ELMO3: variants seen among roughly 807,000 people sequenced by gnomAD.
ELMO3 encodes the protein engulfment and cell motility 3.
Under a neutral mutation model 89.0 loss-of-function variants are expected in ELMO3, and 81 were observed. The observed-to-expected ratio is 0.91, with a 90% CI of 0.76 to 1.09. ELMO3 has a LOEUF of 1.09. Ranked by LOEUF, ELMO3 falls within the 50% of genes least tolerant of loss-of-function variation. The pLI is 0.00. For synonymous variants in ELMO3, 406 were observed against 400.6 expected (o/e 1.01, Z -0.16); for missense variants, 959 against 972.8 (o/e 0.99, Z 0.19).
chr16:67,199,475 A>AT, intron 1 of ELMO3, 71 bp downstream of exon 1: 2 of 1,328,810 alleles, frequency 1.5e-6, no homozygotes, highest in South Asian at 2.4e-5. Flanking sequence ...CCCTCGGGGC[A>AT]GCCCGCCCCA....
chr16:67,199,403 A>C lies in ELMO3; in HGVS notation c.77A>C (p.Gln26Pro). The change falls in exon 1 of 20, where the codon CAG becomes CCG. Residue 26 changes from glutamine (Q) to proline (P), a missense_variant and splice_region_variant. By Grantham distance (76) the Gln-to-Pro change is moderately conservative. Coordinates refer to ENST00000393997, the MANE Select transcript of ELMO3 (RefSeq NM_024712.5). ...DAIPQLIQLD[Q>P]AKPLAAVLKE... The stretch of plus-strand genomic sequence containing the variant: ...ATCCCGCAGCTCATCCAGCTGGACC[A>C]GGTCACCCGGCTGGTCCCGCCTCCA... The C allele has an allele frequency of 6.2e-7, 1 of 1,605,876 alleles. No homozygotes were observed. Among genetic ancestry groups the C allele is most frequent in the African/African-American group, 1.3e-5 (1 of 74,986 alleles).
Position 67,202,952 on chromosome 16 carries a change from C to T in ELMO3, c.1623C>T (p.Leu541=), listed in dbSNP as rs1269297483. Residue 541 remains leucine, a synonymous_variant, in exon 16 of 20, where the codon CTC becomes CTT. Transcript: ENST00000393997. ...GCCTGATCCGCCAGCAGCGCTTGCT[C>T]CGCCTCTGTGAGGGGACGCTCTTCC... is the stretch of plus-strand genomic sequence containing the variant. ...LMGLIRQQRL[L]RLCEGTLFRK... 3 of 1,609,526 alleles carry T rather than the reference C, an allele frequency of 1.9e-6. No homozygotes were observed. The highest frequency in any genetic ancestry group is 2.7e-5 in the African/African-American group (2 of 74,808).
chr16:67,202,802 G>C lies in ELMO3; in HGVS notation c.1562+12G>C, dbSNP rs762857837. ...GCTCCCCCTATACTGTGAGTCTGGG[G>C]GGATGGATCCTCAGTCCTAGCCCTA... is the stretch of plus-strand genomic sequence containing the variant. On this transcript the variant is annotated intron_variant, in intron 15 of 19. Transcript: ENST00000393997. The C allele has an allele frequency of 5.0e-6, 8 of 1,612,662 alleles. No individual in the cohort carries two copies. The highest frequency in any genetic ancestry group is 2.7e-5 in the African/African-American group (2 of 74,904).
chr16:67,200,777 C>A lies in ELMO3; in HGVS notation c.634C>A (p.Pro212Thr), dbSNP rs774566864. The change falls in exon 7 of 20, where the codon CCC (proline) becomes ACC (threonine). Residue 212 changes from proline to threonine, a missense_variant. Physicochemically the swap from Pro to Thr is conservative, Grantham distance 38 (BLOSUM62 -1). Coordinates refer to ENST00000393997, the MANE Select transcript of ELMO3 (RefSeq NM_024712.5). Reference protein sequence around the residue: ...ALGQLVKSEVPLDRLLVHLQV... With the variant: ...ALGQLVKSEVTLDRLLVHLQV... The stretch of plus-strand genomic sequence containing the variant: ...GGGCCAGCTGGTCAAGAGCGAGGTG[C>A]CCCTGGATAGGCTGCTGGTGCACCT... The A allele has an allele frequency of 1.9e-6, 3 of 1,613,420 alleles. No homozygotes were observed. The highest frequency in any genetic ancestry group is 2.2e-5 in the East Asian group (1 of 44,836).
In ELMO3 at chr16:67,202,200, G is replaced by A. The variant is rs564154553; in HGVS notation, c.1177G>A (p.Glu393Lys). 26 of 1,603,668 alleles carry A rather than the reference G, an allele frequency of 1.6e-5. No homozygotes were observed. Among genetic ancestry groups the A allele is most frequent in the South Asian group, 6.6e-5 (6 of 90,348 alleles). ...GTTTGTGTTGGAGAACAGCAGCCGC[G>A]AGGACAAGCACGAGTGCCCCTTTGC... ...SRFVLENSSR[E>K]DKHECPFARG... Residue 393 changes from glutamate to lysine, a missense_variant, in exon 13 of 20, where the codon GAG (glutamate) becomes AAG (lysine). Coordinates refer to ENST00000393997, the MANE Select transcript of ELMO3 (RefSeq NM_024712.5).
At position 67,203,308 on chromosome 16, in the gene ELMO3, CCCAG is replaced by C. The variant is rs1364753678; in HGVS notation, c.1781-16_1781-13del. 35 of 1,592,264 alleles carry C rather than the reference CCCAG, an allele frequency of 2.2e-5. 1 individual carries two copies. Among genetic ancestry groups the C allele is most frequent in the Admixed American group, 3.5e-5 (2 of 57,510 alleles). ...GGGCTGCCAGGGCTGCAGTGCTCAG[CCCAG>C]CCTTCTTCCTGCAGTCCCTGTGGCC... On this transcript the variant is annotated splice_polypyrimidine_tract_variant and intron_variant, in intron 17 of 19. Coordinates refer to ENST00000393997, the MANE Select transcript of ELMO3 (RefSeq NM_024712.5). The surrounding 1 kb of genome is among the most constrained non-coding windows in gnomAD (Gnocchi z 4.6).
In ELMO3 at chr16:67,201,734, G is replaced by A; in HGVS notation, c.919-8G>A. The A allele has an allele frequency of 6.2e-7, 1 of 1,609,248 alleles. No individual in the cohort carries two copies. Among genetic ancestry groups the A allele is most frequent in the South Asian group, 1.1e-5 (1 of 91,086 alleles). On this transcript the variant is annotated splice_region_variant and splice_polypyrimidine_tract_variant and intron_variant, in intron 10 of 19. Transcript: ENST00000393997. Reference sequence around the variant, plus strand: ...ATCCCCTCCCCCGCCACCCAACACTGACCCCAGGAGCAGCGGGAGCAGCTG... The same window carrying A: ...ATCCCCTCCCCCGCCACCCAACACTAACCCCAGGAGCAGCGGGAGCAGCTG...
intron 8 of ELMO3, 79 bp downstream of exon 8, chr16:67,201,047 C>T: frequency 6.9e-7 from 1 of 1,454,484 alleles, no homozygotes; most frequent in African/African-American, 1.5e-5. Flanking sequence ...CTCTAAGCCC[C>T]CCTTTTTTTT....
At position 67,203,525 on chromosome 16, in the gene ELMO3, G is replaced by A. The variant is rs937262446; in HGVS notation, c.1892G>A (p.Ser631Asn). The change falls in exon 19 of 20, where the codon AGC becomes AAC. Residue 631 changes from serine to asparagine, a missense_variant. Physicochemically the swap from Ser to Asn is conservative, Grantham distance 46 (BLOSUM62 1). Coordinates refer to ENST00000393997, the MANE Select transcript of ELMO3 (RefSeq NM_024712.5). This position sits in a 1 kb window ranked among gnomAD's most constrained non-coding sequence, Gnocchi z 4.6. Reference protein sequence around the residue: ...KDLYELAFSISYDRGEEEAYL... With the variant: ...KDLYELAFSINYDRGEEEAYL... The stretch of plus-strand genomic sequence containing the variant: ...CTCTATGAGTTGGCCTTCTCAATCA[G>A]CTATGACCGTGGGGAGGAGGAAGCG... 6 of 1,613,344 alleles carry A rather than the reference G, an allele frequency of 3.7e-6. No individual in the cohort carries two copies. The East Asian group carries it at 1.3e-4, about 36-fold the overall frequency.
At chr16:67,201,006 G>C in intron 8 of ELMO3, 38 bp downstream of exon 8, 1 of 1,565,606 alleles carries the variant, frequency 6.4e-7, no homozygotes, top group Non-Finnish European at 8.6e-7. Flanking sequence ...GGCAGCACCC[G>C]GTGGGCGCTG....
Position 67,201,432 on chromosome 16 carries a change from T to C in ELMO3, c.792T>C (p.Tyr264=), listed in dbSNP as rs1272887576. 1.2e-6 allele frequency: 2 copies of C among 1,613,984 alleles called. No individual in the cohort carries two copies. The highest frequency in any genetic ancestry group is 1.7e-5 in the Admixed American group (1 of 60,020). Reference sequence around the variant, plus strand: ...AGAGGAACCTTCGCCAGTTCATCTATAAGGTAGGAAGTGGTGGGCCAGGGG... The same window carrying C: ...AGAGGAACCTTCGCCAGTTCATCTACAAGGTAGGAAGTGGTGGGCCAGGGG... The part of the protein sequence containing the change: ...LWQRNLRQFI[Y]KNIIHSAAPM... The change falls in exon 9 of 20, where the codon TAT becomes TAC. Residue 264 remains tyrosine, a synonymous_variant. Transcript: ENST00000393997.
At position 67,202,388 on chromosome 16, in the gene ELMO3, C is replaced by T; in HGVS notation, c.1262-9C>T. 2 of 1,613,828 alleles carry T rather than the reference C, an allele frequency of 1.2e-6. No homozygotes were observed. The highest frequency in any genetic ancestry group is 2.2e-5 in the South Asian group (2 of 91,078). ...TTCTCCCTGAGCCCCTCCTGCCCCC[C>T]CACTCCAGGCTCTGAGACAGCCCAG... is the stretch of plus-strand genomic sequence containing the variant. On this transcript the variant is annotated splice_polypyrimidine_tract_variant and intron_variant, in intron 13 of 19. Coordinates refer to ENST00000393997, the MANE Select transcript of ELMO3 (RefSeq NM_024712.5).
Position 67,200,346 on chromosome 16 carries a change from T to C in ELMO3, c.398T>C (p.Ile133Thr), listed in dbSNP as rs2033070695. Reference sequence around the variant, plus strand: ...GGGCTCCAGATACTAGGCACCATCATTGAAGATGGGGACGAGTGAGCACAG... The same window carrying C: ...GGGCTCCAGATACTAGGCACCATCACTGAAGATGGGGACGAGTGAGCACAG... ...RNGLQILGTI[I>T]EDGDDLGEVL... The change falls in exon 5 of 20, where the codon ATT (isoleucine) becomes ACT (threonine). Residue 133 changes from isoleucine (I) to threonine (T), a missense_variant. By Grantham distance (89) the Ile-to-Thr change is moderately conservative. Transcript: ENST00000393997. 5.6e-6 allele frequency: 9 copies of C among 1,613,854 alleles called. No individual in the cohort carries two copies. The highest frequency in any genetic ancestry group is 7.6e-6 in the Non-Finnish European group (9 of 1,180,004).
At position 67,202,414 on chromosome 16, in the gene ELMO3, G is replaced by C; in HGVS notation, c.1279G>C (p.Asp427His). ...VGEPCSETAQ[D>H]FSPMFFGQDQ... ...CACTCCAGGCTCTGAGACAGCCCAG[G>C]ACTTCTCACCCATGTTCTTCGGCCA... Residue 427 changes from aspartate to histidine, a missense_variant, in exon 14 of 20, where the codon GAC (aspartate) becomes CAC (histidine). Coordinates refer to ENST00000393997, the MANE Select transcript of ELMO3 (RefSeq NM_024712.5). 6.2e-7 allele frequency: 1 copy of C among 1,613,888 alleles called. No individual in the cohort carries two copies. The highest frequency in any genetic ancestry group is 1.3e-5 in the African/African-American group (1 of 75,054).
chr16:67,199,397 T>G lies in ELMO3; in HGVS notation c.71T>G (p.Leu24Arg). ...GACGCCATCCCGCAGCTCATCCAGC[T>G]GGACCAGGTCACCCGGCTGGTCCCG... ...MRDAIPQLIQ[L>R]DQAKPLAAVL... is the part of the protein sequence containing the mutation. The change falls in exon 1 of 20, where the codon CTG becomes CGG. Residue 24 changes from leucine (L) to arginine (R), a missense_variant. By Grantham distance (102) the Leu-to-Arg change is moderately radical (BLOSUM62 -2). Transcript: ENST00000393997. 1 of 1,607,068 alleles carries G rather than the reference T, an allele frequency of 6.2e-7. No individual in the cohort carries two copies. The highest frequency in any genetic ancestry group is 8.5e-7 in the Non-Finnish European group (1 of 1,179,696).
chr16:67,199,643 CG>C (rs1215716897), intron 2 of ELMO3, 40 bp from the exon 3 acceptor site: 1 of 1,607,580 alleles, frequency 6.2e-7, no homozygotes, highest in Non-Finnish European at 8.5e-7. Context: ...GCAGGAGGGG[CG>C]GCGCCCCCTG....
In ELMO3 at chr16:67,203,067, C is replaced by T; in HGVS notation, c.1676-52C>T. 1 of 1,595,680 alleles carries T rather than the reference C, an allele frequency of 6.3e-7. No individual in the cohort carries two copies. The highest frequency in any genetic ancestry group is 1.1e-5 in the South Asian group (1 of 89,610). Reference sequence around the variant, plus strand: ...CAGAGGGCAGGCAGAGGGCGGCTGGCTTGGTGTCAGGACCTCTCAGCACTC... The same window carrying T: ...CAGAGGGCAGGCAGAGGGCGGCTGGTTTGGTGTCAGGACCTCTCAGCACTC... On this transcript the variant is annotated intron_variant, in intron 16 of 19. Transcript: ENST00000393997. The surrounding 1 kb of genome is among the most constrained non-coding windows in gnomAD (Gnocchi z 4.6).
Position 67,200,976 on chromosome 16 carries a change from T to G in ELMO3, c.744+8T>G. ...AGCCCTGTGGAACGCAAGGTGAGTG[T>G]CGATCGGTGGCTAGATGGGGGCAGC... On this transcript the variant is annotated splice_region_variant and intron_variant, in intron 8 of 19. Coordinates refer to ENST00000393997, the MANE Select transcript of ELMO3 (RefSeq NM_024712.5). 6.3e-7 allele frequency: 1 copy of G among 1,590,746 alleles called. No homozygotes were observed. The highest frequency in any genetic ancestry group is 8.5e-7 in the Non-Finnish European group (1 of 1,174,130).
rs753713994 is a variant in ELMO3, at chr16:67,200,324, C to T, written c.376C>T (p.Leu126Phe). The change falls in exon 5 of 20, where the codon CTC becomes TTC. Residue 126 changes from leucine (L) to phenylalanine (F), a missense_variant. Transcript: ENST00000393997. The stretch of plus-strand genomic sequence containing the variant: ...CAGGGAGGTCATCAGCCGTAATGGG[C>T]TCCAGATACTAGGCACCATCATTGA... ...FAREVISRNG[L>F]QILGTIIEDG... The T allele has an allele frequency of 1.1e-5, 17 of 1,613,796 alleles. No individual in the cohort carries two copies. The Admixed American group carries it at 2.7e-4, about 25-fold the overall frequency.
Sources: allele counts gnomAD v4.1 joint callset, GRCh38; gene constraint gnomAD v4.1.1; non-coding constraint Gnocchi (gnomAD v3.1); transcripts MANE v1.5; gene names NCBI Gene and HGNC (gene_info 2026-07-23, HGNC 2026-07-21).